The following DDX4 variants were observed in gnomAD, a reference collection of about 807,000 sequenced individuals.
DDX4 encodes DEAD-box helicase 4, also known as probable ATP-dependent RNA helicase DDX4.
Under a neutral mutation model 100.0 loss-of-function variants are expected in DDX4, and 25 were observed. The observed-to-expected ratio is 0.25, with a 90% CI of 0.18 to 0.35. The LOEUF is 0.35. Among genes scored for constraint, DDX4 ranks in the 10% least tolerant of loss-of-function variants. The pLI is 1.00. For missense variants in DDX4, 635 were observed against 882.4 expected (o/e 0.72, Z 3.55); for synonymous variants, 259 against 275.7 (o/e 0.94, Z 0.60).
At chr5:55,803,465 TCCCTCCC>T (rs1334890295) in intron 18 of DDX4, among the ~76,000 whole-genome samples, 1 of 89,282 alleles carries the variant, frequency 1.1e-5, no homozygotes, top group Non-Finnish European at 2.2e-5. Context: ...CCCAATGCTA[TCCCTCCC>T]CCCTCCCCCC....
intron 17 of DDX4, among the ~76,000 whole-genome samples, chr5:55,794,388 C>T (rs1478678533): frequency 6.8e-5 from 10 of 148,028 alleles, no homozygotes; most frequent in South Asian, 2.2e-4. Context: ...TTAGTAGAGA[C>T]GGGGTTTCAC....
intron 17 of DDX4, among the ~76,000 whole-genome samples, chr5:55,795,108 G>A (rs1271413718): frequency 6.6e-6 from 1 of 151,942 alleles, no homozygotes; most frequent in Admixed American, 6.6e-5. Context: ...TGGGATTACA[G>A]GCATGTACCA....
rs755202485 is a variant in DDX4, at chr5:55,739,001, A to G, written c.38A>G (p.His13Arg). The change falls in exon 2 of 22, where the codon CAT (histidine) becomes CGT (arginine). Residue 13 changes from histidine to arginine, a missense_variant. His to Arg is a conservative substitution (Grantham distance 29, BLOSUM62 0). Around this residue, in one of 4 missense-constraint regions of DDX4, gnomAD observed 446 missense variants for 540.8 expected, o/e 0.82. Transcript: ENST00000505374. ...GATTGGGAAGCAGAAATCAACCCTC[A>G]TATGTCTTCCTATGTTCCCATATTT... ...DEDWEAEINP[H>R]MSSYVPIFEK... 5 of 1,605,888 alleles carry G rather than the reference A, an allele frequency of 3.1e-6. No homozygotes were observed. The highest frequency in any genetic ancestry group is 2.2e-5 in the South Asian group (2 of 90,724).
chr5:55,806,955 C>G (rs555032696), intron 18 of DDX4, among the ~76,000 whole-genome samples: 1 of 152,144 alleles, frequency 6.6e-6, no homozygotes, highest in African/African-American at 2.4e-5. Context: ...GTGTGAGAGT[C>G]TAAGTCTCTT....
chr5:55,769,624 A>G (rs910438681), intron 7 of DDX4, among the ~76,000 whole-genome samples: 1 of 152,220 alleles, frequency 6.6e-6, no homozygotes, highest in East Asian at 1.9e-4. Flanking sequence ...TACAGATCCA[A>G]TCTACCAATA....
chr5:55,761,386 T>C (rs1441679789), intron 4 of DDX4, among the ~76,000 whole-genome samples: 1 of 152,144 alleles, frequency 6.6e-6, no homozygotes, highest in African/African-American at 2.4e-5. Context: ...CTTCTAAATA[T>C]TATTGAATAA....
chr5:55,800,834 A>G (rs1743253034), intron 18 of DDX4, among the ~76,000 whole-genome samples: 1 of 152,128 alleles, frequency 6.6e-6, no homozygotes, highest in South Asian at 2.1e-4. Context: ...TTTGCATGTA[A>G]TATCCATCCA....
intron 18 of DDX4, among the ~76,000 whole-genome samples, chr5:55,810,493 C>T (rs1406069744): frequency 2.6e-5 from 4 of 152,100 alleles, no homozygotes; most frequent in Non-Finnish European, 5.9e-5. Context: ...TGAAATGCTC[C>T]AGTGAGCATT....
At chr5:55,806,012 C>G (rs370604563) in intron 18 of DDX4, among the ~76,000 whole-genome samples, 2,205 of 152,130 alleles carry the variant, frequency 0.014, 28 homozygotes, top group Middle Eastern at 0.048. Flanking sequence ...GCCTGTTATT[C>G]GTCTATTCAG....
chr5:55,814,511 T>G (rs543224657), intron 19 of DDX4, among the ~76,000 whole-genome samples: 2 of 122,502 alleles, frequency 1.6e-5, no homozygotes, highest in South Asian at 4.8e-4. Context: ...ATTCTTTTTT[T>G]TTTTTGAGAA....
chr5:55,807,497 A>G (rs1324295146), intron 18 of DDX4, among the ~76,000 whole-genome samples: 2 of 151,892 alleles, frequency 1.3e-5, no homozygotes, highest in African/African-American at 4.8e-5. Context: ...TTCCTTCAGG[A>G]GCTCTTTTAG....
intron 10 of DDX4, among the ~76,000 whole-genome samples, chr5:55,782,578 C>T (rs1741988647): frequency 6.6e-6 from 1 of 151,378 alleles, no homozygotes; most frequent in African/African-American, 2.4e-5. Flanking sequence ...AGCCTGGTGA[C>T]AGAGCGAGAC....
At chr5:55,761,437 A>G (rs189449105) in intron 4 of DDX4, among the ~76,000 whole-genome samples, 14 of 152,278 alleles carry the variant, frequency 9.2e-5, no homozygotes, top group African/African-American at 3.1e-4. Context: ...GGCAGATTTT[A>G]CCACAAATTA....
intron 7 of DDX4, among the ~76,000 whole-genome samples, chr5:55,771,582 A>C (rs546610939): frequency 8.5e-5 from 13 of 152,318 alleles, no homozygotes; most frequent in African/African-American, 3.1e-4. Context: ...TCATTAGTAC[A>C]TACTCAGAAG....
intron 2 of DDX4, among the ~76,000 whole-genome samples, chr5:55,740,251 C>G (rs2150801351): frequency 6.6e-6 from 1 of 152,236 alleles, no homozygotes; most frequent in East Asian, 1.9e-4. Context: ...CTCACTGCAG[C>G]CTCTGCCTTC....
rs189390192 is a variant in DDX4, at chr5:55,747,364, G to T, written c.127+1143G>T. Among the ~76,000 whole-genome samples the T allele has an allele frequency of 2.6e-5, 4 of 152,260 alleles. No homozygotes were observed. The East Asian group carries it at 7.7e-4, about 29-fold the overall frequency. Reference sequence around the variant, plus strand: ...CTGTACTCCAGCCTGGAGATGGAGTGAGACTCTGTCTCAAAAAACAAAAAC... The same window carrying T: ...CTGTACTCCAGCCTGGAGATGGAGTTAGACTCTGTCTCAAAAAACAAAAAC... On this transcript the variant is annotated intron_variant, in intron 3 of 21. Coordinates refer to ENST00000505374, the MANE Select transcript of DDX4 (RefSeq NM_024415.3).
At chr5:55,795,260 C>T (rs1324234175) in intron 17 of DDX4, among the ~76,000 whole-genome samples, 9 of 152,276 alleles carry the variant, frequency 5.9e-5, no homozygotes, top group East Asian at 1.9e-4. Context: ...CCACCGCACC[C>T]GGCCCAGACT....
At chr5:55,792,544 TTTTTCTTAACAGTA>T in intron 16 of DDX4, 83 bp from the exon 17 acceptor site, 41 of 641,670 alleles carry the variant, frequency 6.4e-5, no homozygotes, top group Non-Finnish European at 7.6e-5. Context: ...TATTTTTTTT[TTTTTCTTAACAGTA>T]TTTTAACAGT....
intron 4 of DDX4, among the ~76,000 whole-genome samples, chr5:55,762,009 T>C (rs1432804984): frequency 3.9e-5 from 6 of 152,240 alleles, no homozygotes; most frequent in Admixed American, 3.9e-4. Flanking sequence ...TCGACTAGCT[T>C]GTTATGTCCT....
Sources: gnomAD v4.1 joint callset for allele counts (sites outside exome capture counted in the v4.1 genomes callset) on GRCh38, gnomAD v4.1.1 for gene constraint, gnomAD v4.1.1 regional missense constraint, MANE v1.5 for transcripts, NCBI Gene and HGNC (gene_info 2026-07-23, HGNC 2026-07-21) for gene names.